CCDC186: variants seen among roughly 807,000 people sequenced by gnomAD.
CCDC186 encodes the protein coiled-coil domain containing 186.
In CCDC186, 49 loss-of-function variants were observed where a neutral mutation model predicts 113.7. The observed-to-expected ratio is 0.43, with a 90% CI of 0.34 to 0.55. CCDC186 has a LOEUF of 0.55. CCDC186 is among the 20% of genes least tolerant of loss of function. CCDC186 has a pLI of 0.02. For missense variants in CCDC186, 890 were observed against 1,011.1 expected, an observed-to-expected ratio of 0.88 and a Z score of 1.62; for synonymous variants, 355 against 345.8, an observed-to-expected ratio of 1.03 and a Z score of -0.30.
At chr10:114,147,261 C>A (rs1383077090) in intron 4 of CCDC186, among the ~76,000 whole-genome samples, 1 of 151,956 alleles carries the variant, frequency 6.6e-6, no homozygotes, top group South Asian at 2.1e-4. Context: ...AAAGAGCTCA[C>A]CATCTAGTGA....
In CCDC186 at chr10:114,131,226, T is replaced by G. The variant is rs1320701463; in HGVS notation, c.2022A>C (p.Glu674Asp). ...TEVKALSTQV[E>D]ELKDELVTQR... ...GAGTTACTAACTCATCTTTTAATTC[T>G]TCTACCTGGGTACTCAATGCTTTAA... The change falls in exon 12 of 16, where the codon GAA (glutamate) becomes GAC (aspartate). Residue 674 changes from glutamate to aspartate, a missense_variant. Transcript: ENST00000369287. The G allele has an allele frequency of 4.4e-6, 7 of 1,601,854 alleles. No homozygotes were observed. The highest frequency in any genetic ancestry group is 6.0e-6 in the Non-Finnish European group (7 of 1,174,826).
chr10:114,127,355 T>G, intron 14 of CCDC186, 106 bp downstream of exon 14: 1 of 1,035,860 alleles, frequency 9.7e-7, no homozygotes, highest in Non-Finnish European at 1.4e-6. Flanking sequence ...ACTATAATTA[T>G]TTTTTGAAAG....
At chr10:114,127,744 T>A in intron 13 of CCDC186, 73 bp from the exon 14 acceptor site, 4 of 1,257,368 alleles carry the variant, frequency 3.2e-6, no homozygotes, top group Middle Eastern at 1.9e-4. Context: ...TATTACTTAT[T>A]CCAGCATCAT....
rs752430429 is a variant in CCDC186, at chr10:114,131,293, A to T, written c.1955T>A (p.Val652Asp). 4.7e-5 allele frequency: 75 copies of T among 1,597,286 alleles called. No individual in the cohort carries two copies. Among genetic ancestry groups the T allele is most frequent in the Non-Finnish European group, 6.2e-5 (73 of 1,173,392 alleles). The change falls in exon 12 of 16, where the codon GTC becomes GAC. Residue 652 changes from valine to aspartate, a missense_variant. Transcript: ENST00000369287. ...LKEEELRKEE[V>D]QTLQAELACR... is the part of the protein sequence containing the mutation. Reference sequence around the variant, plus strand: ...AGCGAGTTCAGCTTGCAGAGTTTGGACTTCCTCTTTTCGCAGTTCTTCCTC... The same window carrying T: ...AGCGAGTTCAGCTTGCAGAGTTTGGTCTTCCTCTTTTCGCAGTTCTTCCTC...
At chr10:114,158,655 C>A (rs575482236) in intron 2 of CCDC186, among the ~76,000 whole-genome samples, 3 of 151,744 alleles carry the variant, frequency 2.0e-5, no homozygotes, top group Non-Finnish European at 4.4e-5. Flanking sequence ...CTGCAGTGAG[C>A]TCCACTGCAC....
chr10:114,129,936 A>G lies in CCDC186; in HGVS notation c.2137T>C (p.Tyr713His), dbSNP rs749834864. The G allele has an allele frequency of 1.2e-6, 2 of 1,613,680 alleles. No individual in the cohort carries two copies. The highest frequency in any genetic ancestry group is 1.7e-4 in the Middle Eastern group (1 of 6,058). Residue 713 changes from tyrosine (Y) to histidine (H), a missense_variant, in exon 13 of 16, where the codon TAT (tyrosine) becomes CAT (histidine). Physicochemically the swap from Tyr to His is moderately conservative, Grantham distance 83. Transcript: ENST00000369287. Reference protein sequence around the residue: ...RKLDQVESGSYDKEVSSMGSR... With the variant: ...RKLDQVESGSHDKEVSSMGSR... ...CCCATGCTGCTGACTTCTTTGTCAT[A>G]GCTTCCACTCTCAACCTGATCTAAT...
At chr10:114,153,729 T>G (rs1589624726) in intron 3 of CCDC186, among the ~76,000 whole-genome samples, 1 of 137,096 alleles carries the variant, frequency 7.3e-6, no homozygotes, top group South Asian at 2.3e-4. Context: ...GAAGTTGCAG[T>G]AAGCCAAGAT....
At chr10:114,138,043 A>AC (rs2031327190) in intron 6 of CCDC186, among the ~76,000 whole-genome samples, 1 of 7,326 alleles carries the variant, frequency 1.4e-4, no homozygotes, top group Admixed American at 1.0e-3. Context: ...GTCTCAAAAA[A>AC]AAAAAAAAAA....
chr10:114,135,423 C>T (rs751310211), intron 9 of CCDC186, among the ~76,000 whole-genome samples: 1 of 152,132 alleles, frequency 6.6e-6, no homozygotes, highest in Non-Finnish European at 1.5e-5. Flanking sequence ...ATGAATGATA[C>T]ACATTCATAT....
intron 2 of CCDC186, chr10:114,162,427 A>T: frequency 2.5e-6 from 1 of 402,212 alleles, no homozygotes; most frequent in Non-Finnish European, 4.4e-6. Flanking sequence ...TAATACATTT[A>T]CACTATTTAA....
chr10:114,151,466 C>A (rs947097105), intron 3 of CCDC186, among the ~76,000 whole-genome samples: 3 of 152,188 alleles, frequency 2.0e-5, no homozygotes, highest in Non-Finnish European at 4.4e-5. Context: ...CAAAGAAATA[C>A]AGTAGAGTCC....
chr10:114,159,557 C>T (rs1047193951), intron 2 of CCDC186, among the ~76,000 whole-genome samples: 1 of 147,276 alleles, frequency 6.8e-6, no homozygotes, highest in African/African-American at 2.5e-5. Flanking sequence ...GCAGGAAAAT[C>T]GCTTGAACCT....
rs1421818558 is a variant in CCDC186, at chr10:114,129,890, C to T, written c.2182+1G>A. On this transcript the variant is annotated splice_donor_variant, in intron 13 of 15. Transcript: ENST00000369287. LOFTEE classifies it high-confidence loss of function. ...AACAACTAGAGCCACTAGTTTTTTACCTGATGAACTAGAACGACTTCCCAT... is the reference window on the plus strand; with the variant it reads ...AACAACTAGAGCCACTAGTTTTTTATCTGATGAACTAGAACGACTTCCCAT... The T allele has an allele frequency of 6.2e-7, 1 of 1,612,820 alleles. No homozygotes were observed. The highest frequency in any genetic ancestry group is 1.1e-5 in the South Asian group (1 of 91,022).
rs745605575 is a variant in CCDC186 at position 114,125,257 on chromosome 10, G to C, written c.2614-31C>G. The C allele has an allele frequency of 3.4e-6, 5 of 1,464,018 alleles. No individual in the cohort carries two copies. In the African/African-American group the frequency reaches 7.1e-5, roughly 21 times the overall value. The allele number at this position is 1,464,018 out of a possible 1,614,324, so 90.7% of individuals were successfully genotyped here. On this transcript the variant is annotated intron_variant, in intron 15 of 15. Coordinates refer to ENST00000369287, the MANE Select transcript of CCDC186 (RefSeq NM_018017.4). ...ATAATTGGGGTGAGGGGAAAGGGAA[G>C]AGAAAAACAAAAGTATAATAAATAA...
At chr10:114,150,544 G>C (rs2031821450) in intron 4 of CCDC186, among the ~76,000 whole-genome samples, 1 of 152,030 alleles carries the variant, frequency 6.6e-6, no homozygotes, top group Admixed American at 6.6e-5. Flanking sequence ...GATATAAAAG[G>C]ATTGTAGGCA....
At chr10:114,136,341 T>C in intron 7 of CCDC186, 95 bp from the exon 8 acceptor site, 2 of 778,204 alleles carry the variant, frequency 2.6e-6, no homozygotes, top group Non-Finnish European at 4.2e-6. Context: ...TAGCATCATA[T>C]ACATTTCTGT....
intron 3 of CCDC186, among the ~76,000 whole-genome samples, chr10:114,151,984 T>A (rs1391824479): frequency 6.6e-6 from 1 of 152,196 alleles, no homozygotes; most frequent in Non-Finnish European, 1.5e-5. Flanking sequence ...AAGAAATTCA[T>A]GCTAGTTTTG....
chr10:114,173,788 A>G (rs961552719), intron 1 of CCDC186, among the ~76,000 whole-genome samples: 2 of 152,164 alleles, frequency 1.3e-5, no homozygotes, highest in Non-Finnish European at 2.9e-5. Flanking sequence ...CCCGGAACCG[A>G]AGGAGGAAGG....
intron 3 of CCDC186, among the ~76,000 whole-genome samples, chr10:114,152,611 A>G (rs542201177): frequency 6.6e-6 from 1 of 152,372 alleles, no homozygotes; most frequent in East Asian, 1.9e-4. Context: ...GACATGAAAC[A>G]TGGAAAACGA....
Sources: gnomAD v4.1 joint callset for allele counts (sites outside exome capture counted in the v4.1 genomes callset) on GRCh38, gnomAD v4.1.1 for gene constraint, MANE v1.5 for transcripts, NCBI Gene and HGNC (gene_info 2026-07-23, HGNC 2026-07-21) for gene names.